The following RGS12 variants were observed in gnomAD, a reference collection of about 807,000 sequenced individuals.
The protein encoded by RGS12 is regulator of G protein signaling 12.
In RGS12, 66 loss-of-function variants were observed where a neutral mutation model predicts 120.1. That is an observed-to-expected ratio of 0.55 (90% CI 0.45 to 0.67). The LOEUF is 0.67. RGS12 is among the 30% of genes least tolerant of loss of function. The pLI, the probability that RGS12 is intolerant of heterozygous loss-of-function variation, is 0.00. For missense variants in RGS12, 1,859 were observed against 1,957.7 expected, an observed-to-expected ratio of 0.95 and a Z score of 0.95; for synonymous variants, 827 against 804.7, an observed-to-expected ratio of 1.03 and a Z score of -0.47.
intron 4 of RGS12, among the ~76,000 whole-genome samples, chr4:3,395,648 T>A (rs1577043222): frequency 6.6e-6 from 1 of 152,382 alleles, no homozygotes; most frequent in South Asian, 2.1e-4. Context: ...TTAATAGTTT[T>A]AGTTCTCAGT....
At chr4:3,296,341 C>T (rs1163687404) in intron 1 of RGS12, among the ~76,000 whole-genome samples, 1 of 151,978 alleles carries the variant, frequency 6.6e-6, no homozygotes, top group Admixed American at 6.6e-5. Flanking sequence ...GCCACCATGC[C>T]CAGCTAATTT....
chr4:3,337,196 C>T (rs1486107041), intron 2 of RGS12, among the ~76,000 whole-genome samples: 1 of 152,154 alleles, frequency 6.6e-6, no homozygotes, highest in African/African-American at 2.4e-5. Context: ...ACAACTGCCA[C>T]CACCATCACA....
At chr4:3,344,693 G>A (rs772312750) in intron 3 of RGS12, among the ~76,000 whole-genome samples, 50 of 152,244 alleles carry the variant, frequency 3.3e-4, no homozygotes, top group Non-Finnish European at 6.8e-4. Context: ...CAGCTCCAGC[G>A]TCTAATCACT....
At chr4:3,288,954 C>G (rs1225849249), upstream of RGS12, among the ~76,000 whole-genome samples, 5 of 152,126 alleles carry the variant, frequency 3.3e-5, no homozygotes, top group African/African-American at 1.2e-4. This position sits in a 1 kb window ranked among gnomAD's most constrained non-coding sequence, Gnocchi z 5.2. Flanking sequence ...CTGACTCCAG[C>G]CTGGCTGCCC....
chr4:3,416,109 G>A lies in RGS12; in HGVS notation c.2415G>A (p.Glu805=), dbSNP rs771350917. 2 of 1,614,056 alleles carry A rather than the reference G, an allele frequency of 1.2e-6. No individual in the cohort carries two copies. Among genetic ancestry groups the A allele is most frequent in the Admixed American group, 1.7e-5 (1 of 60,016 alleles). ...CACCTCACCCAGACATGTTCAAGGAGCAGCAGCTGCAGGTAACCGCAGGCT... is the reference window on the plus strand; with the variant it reads ...CACCTCACCCAGACATGTTCAAGGAACAGCAGCTGCAGGTAACCGCAGGCT... ...LRAPHPDMFK[E]QQLQIFNLMK... is the part of the protein sequence containing the mutation. Residue 805 remains glutamate, a synonymous_variant, in exon 7 of 18, where the codon GAG becomes GAA. Transcript: ENST00000336727.
chr4:3,359,929 T>C (rs576220481), intron 3 of RGS12, among the ~76,000 whole-genome samples: 2 of 152,152 alleles, frequency 1.3e-5, no homozygotes, highest in South Asian at 4.1e-4. Flanking sequence ...AGCCATACTT[T>C]TACATTTTTT....
chr4:3,326,264 T>G (rs1275084102), intron 2 of RGS12, among the ~76,000 whole-genome samples: 2 of 152,340 alleles, frequency 1.3e-5, no homozygotes, highest in East Asian at 1.9e-4. Flanking sequence ...TCTTTTTTTT[T>G]GAGACAAAGT....
intron 4 of RGS12, among the ~76,000 whole-genome samples, chr4:3,409,221 C>T (rs540233417): frequency 7.4e-4 from 113 of 152,342 alleles, no homozygotes; most frequent in African/African-American, 2.6e-3. Flanking sequence ...GCATCTGCCT[C>T]TGCAGGACCC....
intron 16 of RGS12, among the ~76,000 whole-genome samples, chr4:3,428,915 C>T (rs935087312): frequency 1.7e-4 from 26 of 152,310 alleles, no homozygotes; most frequent in Admixed American, 1.1e-3. Context: ...GAGTGCCAGG[C>T]CTCCTAGGGC....
chr4:3,414,472 A>C, intron 5 of RGS12: 1 of 604,608 alleles, frequency 1.7e-6, no homozygotes, highest in Non-Finnish European at 2.9e-6. Context: ...CCCGCTCTCT[A>C]CTGGGGTCTC....
chr4:3,292,249 C>T (rs1213419083), upstream of RGS12, among the ~76,000 whole-genome samples: 1 of 152,030 alleles, frequency 6.6e-6, no homozygotes, highest in African/African-American at 2.4e-5. Flanking sequence ...AAGGCGGCGG[C>T]TGGGACAGGG....
At chr4:3,339,701 A>T (rs929291403) in intron 2 of RGS12, among the ~76,000 whole-genome samples, 4 of 152,172 alleles carry the variant, frequency 2.6e-5, no homozygotes, top group African/African-American at 9.7e-5. Context: ...TGCCACAAGG[A>T]TCAGCACCAA....
intron 3 of RGS12, among the ~76,000 whole-genome samples, chr4:3,349,262 A>G (rs1714126885): frequency 6.6e-6 from 1 of 152,208 alleles, no homozygotes. Context: ...TTTATGACCA[A>G]TATAGGCCTT....
At chr4:3,397,710 C>T (rs1268461749) in intron 4 of RGS12, among the ~76,000 whole-genome samples, 1 of 152,124 alleles carries the variant, frequency 6.6e-6, no homozygotes, top group African/African-American at 2.4e-5. Context: ...ATTGTGTAGA[C>T]AGTTGGATAA....
intron 3 of RGS12, among the ~76,000 whole-genome samples, chr4:3,367,267 G>T (rs551405651): frequency 5.9e-4 from 90 of 152,392 alleles, no homozygotes; most frequent in Admixed American, 2.4e-3. Context: ...TCTGGGATCC[G>T]CGGTGGGCCT....
intron 5 of RGS12, 139 bp from the exon 6 acceptor site, chr4:3,414,613 G>A: frequency 1.5e-6 from 1 of 676,958 alleles, no homozygotes; most frequent in Non-Finnish European, 2.6e-6. Flanking sequence ...AAAGTGCTGG[G>A]CAGCGATGAG....
At chr4:3,438,269 G>T (rs1220905218) in intron 17 of RGS12, among the ~76,000 whole-genome samples, 1 of 152,080 alleles carries the variant, frequency 6.6e-6, no homozygotes, top group African/African-American at 2.4e-5. Context: ...ACTGAGGAAG[G>T]GAGCTCCTGG....
intron 3 of RGS12, 77 bp from the exon 4 acceptor site, chr4:3,386,339 C>A: frequency 7.3e-7 from 1 of 1,377,462 alleles, no homozygotes; most frequent in Non-Finnish European, 1.0e-6. Flanking sequence ...CCCTTGTGTT[C>A]CTCAGATGGA....
Position 3,318,037 on chromosome 4 carries a change from A to G in RGS12, c.1867A>G (p.Lys623Glu), listed in dbSNP as rs1427854574. ...FGPHRNVRKT[K>E]EDKKGSKFGR... ...TCCCCATCGAAATGTTCGAAAGACTAAGGAAGATAAAAAGGTAAGCCTGCC... is the reference window on the plus strand; with the variant it reads ...TCCCCATCGAAATGTTCGAAAGACTGAGGAAGATAAAAAGGTAAGCCTGCC... Residue 623 changes from lysine to glutamate, a missense_variant, in exon 2 of 18, where the codon AAG (lysine) becomes GAG (glutamate). By Grantham distance (56) the Lys-to-Glu change is moderately conservative. Transcript: ENST00000336727. The G allele has an allele frequency of 3.2e-6, 5 of 1,586,518 alleles. No homozygotes were observed. In the African/African-American group the frequency reaches 5.5e-5, roughly 18 times the overall value.
Sources: gnomAD v4.1 joint callset for allele counts (sites outside exome capture counted in the v4.1 genomes callset) on GRCh38, gnomAD v4.1.1 for gene constraint, Gnocchi (gnomAD v3.1) non-coding constraint, MANE v1.5 for transcripts, NCBI Gene and HGNC (gene_info 2026-07-23, HGNC 2026-07-21) for gene names.